Variants in COL4A4 observed in about 807,000 individuals in gnomAD.
COL4A4 encodes collagen alpha-4(IV) chain.
In COL4A4, 105 loss-of-function variants were observed where a neutral mutation model predicts 192.9. The observed-to-expected ratio is 0.54, with a 90% CI of 0.46 to 0.64. The LOEUF (loss-of-function observed/expected upper bound fraction) is 0.64. Ranked by LOEUF, COL4A4 falls within the 30% of genes least tolerant of loss-of-function variation. The pLI, the probability that COL4A4 is intolerant of heterozygous loss-of-function variation, is 0.00. For synonymous variants in COL4A4, 762 were observed against 769.9 expected, an observed-to-expected ratio of 0.99 and a Z score of 0.17; for missense variants, 1,967 against 2,169.3, an observed-to-expected ratio of 0.91 and a Z score of 1.85.
chr2:227,064,750 C>A (rs1374402093), intron 25 of COL4A4, among the ~76,000 whole-genome samples: 1 of 152,184 alleles, frequency 6.6e-6, no homozygotes, highest in Non-Finnish European at 1.5e-5. Flanking sequence ...TTAAACAGAA[C>A]AACTGTCGGC....
intron 37 of COL4A4, among the ~76,000 whole-genome samples, chr2:227,036,500 C>CA (rs1291839536): frequency 2.6e-5 from 4 of 152,186 alleles, no homozygotes; most frequent in Non-Finnish European, 5.9e-5. Context: ...ACCCTAACTT[C>CA]AAAGCTGATG....
chr2:227,130,762 C>T (rs966158374), intron 4 of COL4A4, among the ~76,000 whole-genome samples: 7 of 152,216 alleles, frequency 4.6e-5, no homozygotes, highest in Non-Finnish European at 1.5e-5. Flanking sequence ...GACTCATGAT[C>T]GCCCCTGAAA....
chr2:227,108,102 G>T (rs991692444), intron 12 of COL4A4, among the ~76,000 whole-genome samples: 1 of 151,996 alleles, frequency 6.6e-6, no homozygotes, highest in South Asian at 2.1e-4. Flanking sequence ...TTTACATGTC[G>T]GCCAAAAGGA....
At chr2:226,992,254 A>G in the COL4A4 span, among the ~76,000 whole-genome samples, 1 of 152,226 alleles carries the variant, frequency 6.6e-6, no homozygotes, top group African/African-American at 2.4e-5. Flanking sequence ...AACGCAGAGC[A>G]CACACACAGT....
intron 22 of COL4A4, among the ~76,000 whole-genome samples, chr2:227,083,979 A>G (rs1285431411): frequency 6.6e-6 from 1 of 152,226 alleles, no homozygotes. Context: ...CATTTCATGC[A>G]GAGAAAAAAA....
chr2:226,984,640 T>A, the COL4A4 span, among the ~76,000 whole-genome samples: 9 of 152,320 alleles, frequency 5.9e-5, no homozygotes, highest in South Asian at 1.7e-3. Context: ...CAGCAACAGC[T>A]AACGCCCTGG....
At chr2:227,023,786 G>T (rs937887187) in intron 43 of COL4A4, among the ~76,000 whole-genome samples, 2 of 152,146 alleles carry the variant, frequency 1.3e-5, no homozygotes, top group African/African-American at 2.4e-5. Flanking sequence ...GGCCAAGATG[G>T]ACAGATCACG....
At chr2:227,089,825 G>A (rs1405625313) in intron 21 of COL4A4, 43 bp downstream of exon 21, 1 of 1,480,780 alleles carries the variant, frequency 6.8e-7, no homozygotes, top group South Asian at 1.1e-5. Context: ...GATCATCCAT[G>A]TACAGTTGTC....
In COL4A4 at chr2:227,123,039, A is replaced by G. The variant is rs867044112; in HGVS notation, c.193-1891T>C. Among the ~76,000 whole-genome samples the G allele has an allele frequency of 6.6e-6, 1 of 151,990 alleles. No homozygotes were observed. The highest frequency in any genetic ancestry group is 3.4e-3 in the Middle Eastern group (1 of 294). ...GCCACCACACCTGGCTAATTTTTGT[A>G]TTTTTAGTAGAGACTGGGTTTCAGT... On this transcript the variant is annotated intron_variant, in intron 4 of 47. Coordinates refer to ENST00000396625, the MANE Select transcript of COL4A4 (RefSeq NM_000092.5). This position sits in a 1 kb window ranked among gnomAD's most constrained non-coding sequence, Gnocchi z 4.6.
At chr2:226,984,149 T>C in the COL4A4 span, among the ~76,000 whole-genome samples, 152,364 of 152,388 alleles carry the variant, frequency 1, 76,170 homozygotes, top group Non-Finnish European at 1. Context: ...TCACTGGGGG[T>C]CTGCCCAGCA....
intron 17 of COL4A4, among the ~76,000 whole-genome samples, 162 bp downstream of exon 17, chr2:227,101,342 C>T (rs1302844545): frequency 6.6e-6 from 1 of 152,086 alleles, no homozygotes; most frequent in South Asian, 2.1e-4. Context: ...TTATCAGCAA[C>T]ATGAAAAACA....
intron 46 of COL4A4, 84 bp from the exon 47 acceptor site, chr2:227,008,388 G>T: frequency 6.8e-7 from 1 of 1,460,646 alleles, no homozygotes; most frequent in Non-Finnish European, 9.5e-7. Context: ...TCTGGCCTTT[G>T]CAGATACGTG....
intron 46 of COL4A4, among the ~76,000 whole-genome samples, chr2:227,009,721 GAAGAGAAGAGAA>G (rs1363194108): frequency 8.1e-5 from 4 of 49,680 alleles, no homozygotes; most frequent in East Asian, 5.7e-4. Context: ...GAGGAAAAGA[GAAGAGAAGAGAA>G]AAGAGAAGAG....
the COL4A4 span, among the ~76,000 whole-genome samples, chr2:226,982,893 T>C: frequency 5.3e-5 from 8 of 152,212 alleles, no homozygotes; most frequent in African/African-American, 1.7e-4. Context: ...TCATCACAAA[T>C]AGAATTTTAA....
In COL4A4 at chr2:227,007,509, G is replaced by T. The variant is rs778524414; in HGVS notation, c.4889C>A (p.Pro1630Gln). ...CTGCCGGCCCTGGCATTCAAGGAAT[G>T]GTGCTGCTCTGAAATCTTCCAGGCA... ...GSCLEDFRAA[P>Q]FLECQGRQGT... Residue 1630 changes from proline (P) to glutamine (Q), a missense_variant, in exon 48 of 48, where the codon CCA (proline) becomes CAA (glutamine). Physicochemically the swap from Pro to Gln is moderately conservative, Grantham distance 76. Coordinates refer to ENST00000396625, the MANE Select transcript of COL4A4 (RefSeq NM_000092.5). 3 of 1,613,852 alleles carry T rather than the reference G, an allele frequency of 1.9e-6. No homozygotes were observed. The highest frequency in any genetic ancestry group is 2.5e-6 in the Non-Finnish European group (3 of 1,180,026).
At chr2:227,062,397 C>T (rs541784866) in intron 26 of COL4A4, 133 bp downstream of exon 26, 3 of 694,810 alleles carry the variant, frequency 4.3e-6, no homozygotes, top group Non-Finnish European at 7.8e-6. Flanking sequence ...CTGTTTTCCC[C>T]TATCCATGGT....
chr2:227,006,469 A>G lies in COL4A4; in HGVS notation c.*856T>C, dbSNP rs1445016224. On this transcript the variant is annotated 3_prime_UTR_variant, in exon 48 of 48. Coordinates refer to ENST00000396625, the MANE Select transcript of COL4A4 (RefSeq NM_000092.5). ...GGAAAAGCAGTCTGTCTGGAAGTTC[A>G]CTGCAATGGGGAGTCAATTTTTGTG... 1 of 152,584 alleles carries G rather than the reference A, an allele frequency of 6.6e-6. No individual in the cohort carries two copies. Among genetic ancestry groups the G allele is most frequent in the African/African-American group, 2.4e-5 (1 of 41,444 alleles). The allele number at this position is 152,584 out of a possible 1,614,324, so 9.5% of individuals were successfully genotyped here. A position where few individuals can be genotyped will look rare whatever the true frequency, so the allele number is the denominator to read the frequency against.
intron 4 of COL4A4, among the ~76,000 whole-genome samples, chr2:227,128,846 C>A (rs913832447): frequency 2.0e-5 from 3 of 152,124 alleles, no homozygotes; most frequent in African/African-American, 4.8e-5. Flanking sequence ...TCTTCAGTCA[C>A]CCCTTTCCTG....
At chr2:227,000,080 A>G (rs1960536875), downstream of COL4A4, among the ~76,000 whole-genome samples, 1 of 152,214 alleles carries the variant, frequency 6.6e-6, no homozygotes, top group African/African-American at 2.4e-5. Context: ...TCTTTACAAG[A>G]TCCTCTCCCT....
Sources: gnomAD v4.1 joint callset for allele counts (sites outside exome capture counted in the v4.1 genomes callset) on GRCh38, gnomAD v4.1.1 for gene constraint, Gnocchi (gnomAD v3.1) non-coding constraint, MANE v1.5 for transcripts, NCBI Gene and HGNC (gene_info 2026-07-23, HGNC 2026-07-21) for gene names.